ZNF337: variants seen among roughly 807,000 people sequenced by gnomAD.
ZNF337 encodes zinc finger protein 337.
A neutral mutation model predicts 12.1 loss-of-function variants in ZNF337; 8 were observed. The ratio of observed to expected loss-of-function variants is 0.66; its 90% CI spans 0.39 to 1.19. The LOEUF is 1.19. ZNF337 is among the 50% of genes most tolerant of loss of function. The pLI is 0.01. For synonymous variants in ZNF337, 336 were observed against 320.0 expected (o/e 1.05, Z -0.53); for missense variants, 882 against 896.6 (o/e 0.98, Z 0.21).
rs1256866978 is a variant in ZNF337 at position 25,674,937 on chromosome 20, T to C, written c.*95A>G. 3 of 1,165,134 alleles carry C rather than the reference T, an allele frequency of 2.6e-6. No individual in the cohort carries two copies. Among genetic ancestry groups the C allele is most frequent in the Non-Finnish European group, 3.7e-6 (3 of 817,382 alleles). 72.2% of individuals were successfully genotyped at this position (1,165,134 alleles called of 1,614,324 possible). A position where few individuals can be genotyped will look rare whatever the true frequency, so the allele number is the denominator to read the frequency against. ...CTGGATTCTGTCTGCCTCTGTTATA[T>C]CTTCACGAACAAGTTATGCAGCCTC... is the stretch of plus-strand genomic sequence containing the variant. On this transcript the variant is annotated 3_prime_UTR_variant, in exon 5 of 5. Transcript: ENST00000252979.
intron 1 of ZNF337, among the ~76,000 whole-genome samples, chr20:25,695,826 C>T (rs544353215): frequency 1.6e-4 from 24 of 152,266 alleles, no homozygotes; most frequent in African/African-American, 4.8e-4. Flanking sequence ...ACTGCTCAGC[C>T]TGATTTATGA....
At position 25,676,081 on chromosome 20, in the gene ZNF337, G is replaced by C. The variant is rs1436620746; in HGVS notation, c.1207C>G (p.Pro403Ala). Residue 403 changes from proline to alanine, a missense_variant, in exon 5 of 5, where the codon CCT (proline) becomes GCT (alanine). By Grantham distance (27) the Pro-to-Ala change is conservative. Transcript: ENST00000252979. ...CGCTCACAATCCTTGCACACAAAAG[G>C]CTTCTCCCCTGAGTGTGTTCTCTGG... ...RHQRTHSGEK[P>A]FVCKDCERSF... 1.2e-5 allele frequency: 20 copies of C among 1,614,002 alleles called. No individual in the cohort carries two copies. The Middle Eastern group carries it at 4.9e-4, about 40-fold the overall frequency.
At chr20:25,681,538 G>A (rs193136065) in intron 4 of ZNF337, among the ~76,000 whole-genome samples, 2 of 152,230 alleles carry the variant, frequency 1.3e-5, no homozygotes, top group East Asian at 3.9e-4. Context: ...CTAATTTTCT[G>A]ATAGAGAGTA....
At position 25,680,239 on chromosome 20, in the gene ZNF337, CTG is replaced by C. The variant is rs1252072007; in HGVS notation, c.251-3204_251-3203del. Among the ~76,000 whole-genome samples, 4 of 151,958 alleles carry C rather than the reference CTG, an allele frequency of 2.6e-5. No homozygotes were observed. In the East Asian group the frequency reaches 5.8e-4, roughly 22 times the overall value. ...GCACAGTAGCGTGACTATAGTTTAA[CTG>C]TAATTTATATTTCAAAATAGAAAAA... On this transcript the variant is annotated intron_variant, in intron 4 of 4. Coordinates refer to ENST00000252979, the MANE Select transcript of ZNF337 (RefSeq NM_015655.4).
At chr20:25,682,354 C>G (rs2065777803) in intron 4 of ZNF337, among the ~76,000 whole-genome samples, 1 of 152,050 alleles carries the variant, frequency 6.6e-6, no homozygotes, top group South Asian at 2.1e-4. Context: ...TATAATAATT[C>G]TAACCCTGCA....
intron 1 of ZNF337, among the ~76,000 whole-genome samples, chr20:25,691,485 C>A (rs1438469537): frequency 6.6e-6 from 1 of 152,240 alleles, no homozygotes; most frequent in African/African-American, 2.4e-5. Flanking sequence ...AAACACACTT[C>A]TCAACTATAC....
chr20:25,682,358 C>A (rs1043568648), intron 4 of ZNF337, among the ~76,000 whole-genome samples: 1 of 151,994 alleles, frequency 6.6e-6, no homozygotes. Context: ...ATAATTCTAA[C>A]CCTGCATGTA....
Position 25,685,956 on chromosome 20 carries a change from C to G in ZNF337, c.154+40G>C. On this transcript the variant is annotated intron_variant, in intron 3 of 4. Coordinates refer to ENST00000252979, the MANE Select transcript of ZNF337 (RefSeq NM_015655.4). ...TAACCCTATGGCAACATCAGAGGCACCACAGGCCAAATGTTAGGCTCGAGG... is the reference window on the plus strand; with the variant it reads ...TAACCCTATGGCAACATCAGAGGCAGCACAGGCCAAATGTTAGGCTCGAGG... 4.4e-6 allele frequency: 7 copies of G among 1,587,968 alleles called. No homozygotes were observed. The East Asian group carries it at 8.9e-5, about 20-fold the overall frequency.
In ZNF337 at chr20:25,696,830, G is replaced by A. The variant is rs2065938205; in HGVS notation, c.-121C>T. On this transcript the variant is annotated 5_prime_UTR_variant, in exon 1 of 5. Transcript: ENST00000252979. The stretch of plus-strand genomic sequence containing the variant: ...ACCACGCATCTCACGGCTCGCTGAC[G>A]CCCAGGGATCTGGAACGCTCTGCGC... 2.0e-6 allele frequency: 2 copies of A among 985,318 alleles called. No homozygotes were observed. Among genetic ancestry groups the A allele is most frequent in the Admixed American group, 6.1e-5 (1 of 16,274 alleles). 61.0% of individuals were successfully genotyped at this position (985,318 alleles called of 1,614,324 possible). A position where few individuals can be genotyped will look rare whatever the true frequency, so the allele number is the denominator to read the frequency against.
At position 25,676,938 on chromosome 20, in the gene ZNF337, G is replaced by T. The variant is rs1240945715; in HGVS notation, c.350C>A (p.Thr117Lys). 2 of 1,614,116 alleles carry T rather than the reference G, an allele frequency of 1.2e-6. No individual in the cohort carries two copies. The highest frequency in any genetic ancestry group is 2.7e-5 in the African/African-American group (2 of 75,010). The change falls in exon 5 of 5, where the codon ACA (threonine) becomes AAA (lysine). Residue 117 changes from threonine (T) to lysine (K), a missense_variant. Coordinates refer to ENST00000252979, the MANE Select transcript of ZNF337 (RefSeq NM_015655.4). Reference sequence around the variant, plus strand: ...TTTTTCTTTCTCTTGACCTTCAGCTGTGTCACTCTGGAAGCTTTGATCAGA... The same window carrying T: ...TTTTTCTTTCTCTTGACCTTCAGCTTTGTCACTCTGGAAGCTTTGATCAGA... ...QFSDQSFQSD[T>K]AEGQEKEKST...
chr20:25,695,366 T>A (rs951847969), intron 1 of ZNF337, among the ~76,000 whole-genome samples: 1 of 152,200 alleles, frequency 6.6e-6, no homozygotes, highest in African/African-American at 2.4e-5. Flanking sequence ...ATCTACATAA[T>A]AAGAACTTTG....
chr20:25,691,705 A>G (rs6050790), intron 1 of ZNF337, among the ~76,000 whole-genome samples: 39,644 of 152,066 alleles, frequency 0.26, 5,415 homozygotes, highest in East Asian at 0.41. Flanking sequence ...TTGTGTGTCA[A>G]ATGTTACAGA....
intron 4 of ZNF337, 151 bp from the exon 5 acceptor site, chr20:25,677,188 A>G (rs2065709919): frequency 1.4e-6 from 1 of 707,266 alleles, no homozygotes; most frequent in Admixed American, 3.1e-5. Flanking sequence ...CAAAAAATTG[A>G]AGCAGGGCAG....
chr20:25,691,690 G>C (rs2065883443), intron 1 of ZNF337, among the ~76,000 whole-genome samples: 2 of 152,154 alleles, frequency 1.3e-5, no homozygotes, highest in Admixed American at 6.5e-5. Context: ...GGGGAGGGTA[G>C]CAGTTTGTGT....
chr20:25,688,946 C>T (rs2122449864), intron 1 of ZNF337, among the ~76,000 whole-genome samples: 1 of 152,098 alleles, frequency 6.6e-6, no homozygotes, highest in East Asian at 1.9e-4. Flanking sequence ...CTGGCTAACA[C>T]CGTGAAACCC....
At position 25,675,727 on chromosome 20, in the gene ZNF337, A is replaced by AGAAAAAACGTTTCTC. The variant is rs1177560916; in HGVS notation, c.1560_1561insGAGAAACGTTTTTTC (p.Asp520_Cys521insGluLysArgPhePhe). The AGAAAAAACGTTTCTC allele has an allele frequency of 6.2e-7, 1 of 1,613,884 alleles. No homozygotes were observed. The highest frequency in any genetic ancestry group is 8.5e-7 in the Non-Finnish European group (1 of 1,180,026). ...GGCTTCAAGGTAAAGCCTCGCCCAC[A>AGAAAAAACGTTTCTC]ATCCCTGCAGAAAAAACGTTTCTCA... On this transcript the variant is annotated inframe_insertion, in exon 5 of 5. Transcript: ENST00000252979.
At position 25,675,308 on chromosome 20, in the gene ZNF337, C is replaced by T. The variant is rs770630580; in HGVS notation, c.1980G>A (p.Val660=). 1.7e-5 allele frequency: 28 copies of T among 1,613,676 alleles called. No individual in the cohort carries two copies. The highest frequency in any genetic ancestry group is 3.3e-5 in the Admixed American group (2 of 59,972). ...HSGEKPFVCN[V]CGQGFSWKRS... is the part of the protein sequence containing the mutation. ...TCTTCCAGCTGAAGCCTTGCCCACA[C>T]ACATTACACACGAAGGGCTTCTCCC... is the stretch of plus-strand genomic sequence containing the variant. The change falls in exon 5 of 5, where the codon GTG becomes GTA. Residue 660 remains valine (V), a synonymous_variant. Coordinates refer to ENST00000252979, the MANE Select transcript of ZNF337 (RefSeq NM_015655.4).
rs2065781081 is a variant in ZNF337, at chr20:25,682,692, AG to A, written c.250+2874del. ...ACTAAAAATACAAAAAAAATTAGCC[AG>A]GCATGGTGGTGAGGACATGTAGTCC... is the stretch of plus-strand genomic sequence containing the variant. On this transcript the variant is annotated intron_variant, in intron 4 of 4. Transcript: ENST00000252979. Among the ~76,000 whole-genome samples, 3 of 152,236 alleles carry A rather than the reference AG, an allele frequency of 2.0e-5. No homozygotes were observed. In the South Asian group the frequency reaches 6.2e-4, roughly 32 times the overall value.
intron 1 of ZNF337, 75 bp from the exon 2 acceptor site, chr20:25,686,541 A>G: frequency 1.7e-6 from 2 of 1,162,846 alleles, no homozygotes; most frequent in Non-Finnish European, 2.5e-6. Flanking sequence ...TGTGATTCCA[A>G]TACCAACTGG....
Sources: allele counts gnomAD v4.1 joint callset (sites outside exome capture counted in the v4.1 genomes callset), GRCh38; gene constraint gnomAD v4.1.1; transcripts MANE v1.5; gene names NCBI Gene and HGNC (gene_info 2026-07-23, HGNC 2026-07-21).